The following CTNNA2 variants were observed in gnomAD, a reference collection of about 807,000 sequenced individuals.
The protein encoded by CTNNA2 is catenin alpha 2.
Under a neutral mutation model 101.0 loss-of-function variants are expected in CTNNA2, and 42 were observed. The ratio of observed to expected loss-of-function variants is 0.42; its 90% CI spans 0.32 to 0.54. CTNNA2 has a LOEUF of 0.54. Ranked by LOEUF, CTNNA2 falls within the 20% of genes least tolerant of loss-of-function variation. The pLI, the probability that CTNNA2 is intolerant of heterozygous loss-of-function variation, is 0.14. For missense variants in CTNNA2, 871 were observed against 1,223.1 expected, an observed-to-expected ratio of 0.71 and a Z score of 4.29; for synonymous variants, 450 against 456.4, an observed-to-expected ratio of 0.99 and a Z score of 0.18.
intron 7 of CTNNA2, among the ~76,000 whole-genome samples, chr2:80,243,962 C>T (rs1671135784): frequency 6.6e-6 from 1 of 152,158 alleles, no homozygotes; most frequent in African/African-American, 2.4e-5. Context: ...TAGGGGACAT[C>T]AATGCAGCAG....
intron 7 of CTNNA2, among the ~76,000 whole-genome samples, chr2:80,058,472 A>C (rs1697369545): frequency 6.6e-6 from 1 of 152,140 alleles, no homozygotes; most frequent in Non-Finnish European, 1.5e-5. Context: ...TTATTTTCTG[A>C]GAGTTTGCCA....
chr2:79,405,475 A>G (rs549758454), intron 4 of CTNNA2, among the ~76,000 whole-genome samples: 309 of 151,806 alleles, frequency 2.0e-3, no homozygotes, highest in Non-Finnish European at 3.4e-3. Context: ...ACAGGTGTGC[A>G]CCACCACACC....
At chr2:79,279,178 C>T (rs992472030) in intron 2 of CTNNA2, among the ~76,000 whole-genome samples, 2 of 151,930 alleles carry the variant, frequency 1.3e-5, no homozygotes, top group Non-Finnish European at 2.9e-5. Flanking sequence ...AAAACCCAGC[C>T]CTTCCAAGGT....
At chr2:79,722,625 T>C (rs77901092) in intron 2 of CTNNA2, among the ~76,000 whole-genome samples, 7,553 of 152,230 alleles carry the variant, frequency 0.05, 248 homozygotes, top group South Asian at 0.074. Context: ...ACTTTTTCCT[T>C]TATCTCACTG....
chr2:80,437,873 C>A (rs1039113745), intron 9 of CTNNA2, among the ~76,000 whole-genome samples: 2 of 152,142 alleles, frequency 1.3e-5, no homozygotes, highest in Non-Finnish European at 2.9e-5. Flanking sequence ...GTGGTGGGTG[C>A]CTTAATCCCA....
At chr2:80,134,987 G>A (rs772127975) in intron 7 of CTNNA2, among the ~76,000 whole-genome samples, 37 of 152,066 alleles carry the variant, frequency 2.4e-4, no homozygotes, top group Admixed American at 7.2e-4. Context: ...ATTTTTTTTA[G>A]ATAGATGCCA....
chr2:80,259,592 T>C (rs1672439373), intron 7 of CTNNA2, among the ~76,000 whole-genome samples: 1 of 152,176 alleles, frequency 6.6e-6, no homozygotes, highest in African/African-American at 2.4e-5. Flanking sequence ...TCCAGAAGTC[T>C]CAGTTCACTC....
At chr2:80,300,216 A>G (rs1198617732) in intron 7 of CTNNA2, among the ~76,000 whole-genome samples, 1 of 151,150 alleles carries the variant, frequency 6.6e-6, no homozygotes, top group Admixed American at 6.6e-5. Flanking sequence ...TCATAATGTC[A>G]TGTTTTAATT....
chr2:79,864,126 T>G (rs1681845128), intron 4 of CTNNA2, among the ~76,000 whole-genome samples: 1 of 152,206 alleles, frequency 6.6e-6, no homozygotes, highest in South Asian at 2.1e-4. Flanking sequence ...ATCCATATTT[T>G]CATAGTGTTA....
chr2:79,909,909 A>G lies in CTNNA2; in HGVS notation c.1056+112A>G. On this transcript the variant is annotated intron_variant, in intron 7 of 18. Coordinates refer to ENST00000402739, the MANE Select transcript of CTNNA2 (RefSeq NM_001282597.3). The stretch of plus-strand genomic sequence containing the variant: ...AGAGAACAGACCAGGTGTTTACCAA[A>G]GAGAGTCAGGTGAAACCAAAGAACT... 8.0e-6 allele frequency: 9 copies of G among 1,130,774 alleles called. No individual in the cohort carries two copies. The South Asian group carries it at 1.6e-4, about 19-fold the overall frequency. The allele number at this position is 1,130,774 out of a possible 1,614,324, so 70.0% of individuals were successfully genotyped here.
chr2:80,565,897 C>T (rs1204523985), intron 12 of CTNNA2, among the ~76,000 whole-genome samples: 1 of 152,060 alleles, frequency 6.6e-6, no homozygotes, highest in Non-Finnish European at 1.5e-5. Context: ...CTGTTTTATA[C>T]TGAGTAAACT....
intron 7 of CTNNA2, among the ~76,000 whole-genome samples, chr2:80,160,515 G>A (rs1222826712): frequency 1.3e-5 from 2 of 151,908 alleles, no homozygotes; most frequent in East Asian, 1.9e-4. Context: ...ATGTTTTATT[G>A]GATTTACATC....
intron 8 of CTNNA2, among the ~76,000 whole-genome samples, chr2:80,412,550 T>C (rs1374755563): frequency 4.6e-5 from 7 of 152,328 alleles, no homozygotes; most frequent in Non-Finnish European, 1.0e-4. Flanking sequence ...AAGATGTCTC[T>C]ACCACTTCAC....
intron 14 of CTNNA2, among the ~76,000 whole-genome samples, chr2:80,582,658 T>G (rs1233219001): frequency 6.6e-6 from 1 of 152,154 alleles, no homozygotes; most frequent in Non-Finnish European, 1.5e-5. Context: ...TTCCTCCCCT[T>G]AAGGGCTCAG....
intron 9 of CTNNA2, among the ~76,000 whole-genome samples, chr2:80,535,707 T>C (rs760249933): frequency 6.6e-6 from 1 of 152,178 alleles, no homozygotes; most frequent in African/African-American, 2.4e-5. Context: ...TGTCCCCCAG[T>C]GTACTTAAGC....
chr2:79,403,663 CA>C (rs1459808436), intron 4 of CTNNA2, among the ~76,000 whole-genome samples: 1 of 151,852 alleles, frequency 6.6e-6, no homozygotes, highest in African/African-American at 2.4e-5. Flanking sequence ...AACTGGTTAT[CA>C]AGATTTCCAC....
chr2:79,558,160 G>A (rs978670377), intron 1 of CTNNA2, among the ~76,000 whole-genome samples: 2 of 151,774 alleles, frequency 1.3e-5, no homozygotes, highest in Non-Finnish European at 2.9e-5. Context: ...AGTTTCCTGG[G>A]CTAATAAAAG....
intron 7 of CTNNA2, among the ~76,000 whole-genome samples, chr2:80,132,046 A>T (rs879560451): frequency 3.3e-5 from 5 of 152,050 alleles, no homozygotes; most frequent in African/African-American, 4.8e-5. Flanking sequence ...TTGCCATCGT[A>T]CTCCAGCCTG....
intron 7 of CTNNA2, among the ~76,000 whole-genome samples, chr2:79,936,726 G>A (rs1013484995): frequency 6.6e-6 from 1 of 152,056 alleles, no homozygotes; most frequent in African/African-American, 2.4e-5. Context: ...AGTCTTTCCA[G>A]GGGTAGAGGT....
Sources: allele counts gnomAD v4.1 joint callset (sites outside exome capture counted in the v4.1 genomes callset), GRCh38; gene constraint gnomAD v4.1.1; transcripts MANE v1.5; gene names NCBI Gene and HGNC (gene_info 2026-07-23, HGNC 2026-07-21).